Variants in TPRG1 observed in about 807,000 individuals in gnomAD.
TPRG1 encodes tumor protein p63 regulated 1.
A neutral mutation model predicts 29.3 loss-of-function variants in TPRG1; 29 were observed. The observed-to-expected ratio is 0.99, with a 90% CI of 0.74 to 1.35. TPRG1 has a LOEUF of 1.35. Ranked by LOEUF, TPRG1 falls within the 40% of genes most tolerant of loss-of-function variation. The pLI is 0.00. For missense variants in TPRG1, 327 were observed against 335.0 expected (o/e 0.98, Z 0.19); for synonymous variants, 130 against 116.8 (o/e 1.11, Z -0.73).
At chr3:189,098,942 T>C (rs531716891), upstream of TPRG1, among the ~76,000 whole-genome samples, 1 of 152,200 alleles carries the variant, frequency 6.6e-6, no homozygotes, top group Non-Finnish European at 1.5e-5. Flanking sequence ...ATCAGAATCT[T>C]TGGGAGCCAC....
intron 4 of TPRG1, chr3:189,240,297 A>G (rs969790268): frequency 4.0e-5 from 6 of 151,800 alleles, no homozygotes; most frequent in Non-Finnish European, 8.8e-5. Context: ...ATTTTCAGGA[A>G]CTCTCTCTTC....
intron 5 of TPRG1, among the ~76,000 whole-genome samples, chr3:189,319,186 A>G (rs921846323): frequency 1.3e-5 from 2 of 152,160 alleles, no homozygotes; most frequent in African/African-American, 4.8e-5. Flanking sequence ...TATGAATATC[A>G]TTCTTGACTT....
intron 4 of TPRG1, among the ~76,000 whole-genome samples, chr3:189,251,354 T>C (rs550961399): frequency 6.6e-6 from 1 of 152,280 alleles, no homozygotes; most frequent in South Asian, 2.1e-4. Flanking sequence ...TTGTGTGAAA[T>C]GAAGGCAGAT....
intron 5 of TPRG1, among the ~76,000 whole-genome samples, chr3:189,155,945 G>A (rs889618206): frequency 6.6e-6 from 1 of 152,150 alleles, no homozygotes; most frequent in African/African-American, 2.4e-5. Flanking sequence ...ATACTGTATT[G>A]TAAACTTGAA....
intron 1 of TPRG1, among the ~76,000 whole-genome samples, chr3:189,172,563 A>T (rs554499783): frequency 6.6e-6 from 1 of 152,282 alleles, no homozygotes; most frequent in East Asian, 1.9e-4. Flanking sequence ...GTCATACCTT[A>T]TCCCCAAAAG....
At chr3:189,233,283 G>C (rs1470086607) in intron 3 of TPRG1, among the ~76,000 whole-genome samples, 1 of 152,140 alleles carries the variant, frequency 6.6e-6, no homozygotes, top group East Asian at 1.9e-4. Context: ...AAAATAATTT[G>C]ACACAGCTTT....
chr3:189,223,023 A>G (rs1315864940), intron 3 of TPRG1, among the ~76,000 whole-genome samples: 1 of 152,148 alleles, frequency 6.6e-6, no homozygotes, highest in African/African-American at 2.4e-5. Flanking sequence ...ACATTATACG[A>G]TAAAGTGTAG....
At chr3:189,307,918 G>A (rs1037539874) in intron 4 of TPRG1, among the ~76,000 whole-genome samples, 3 of 152,224 alleles carry the variant, frequency 2.0e-5, no homozygotes, top group African/African-American at 4.8e-5. Flanking sequence ...TGATAGGATA[G>A]TACTTGCTGT....
rs1560688808 is a variant in TPRG1 at position 189,312,105 on chromosome 3, GTTTCTTTCTTTGTTTCTTTC to G, written c.633+1578_633+1597del. 3.5e-3 allele frequency among the ~76,000 whole-genome samples: 245 copies of G among 70,892 alleles called. 4 individuals are homozygous for G. The highest frequency in any genetic ancestry group is 0.014 in the African/African-American group (231 of 16,572). The allele number at this position is 70,892 out of a possible 152,430, so 46.5% of individuals were successfully genotyped here. On this transcript the variant is annotated intron_variant, in intron 5 of 5. Coordinates refer to ENST00000345063, the MANE Select transcript of TPRG1 (RefSeq NM_198485.4). The stretch of plus-strand genomic sequence containing the variant: ...TGTTTCTTTCTTTCTTTGTTTCTTT[GTTTCTTTCTTTGTTTCTTTC>G]TTTCTTTCTTTCTTTCTTTCTTTCT...
chr3:189,231,170 CT>C (rs1019133631), intron 3 of TPRG1, among the ~76,000 whole-genome samples: 7 of 151,814 alleles, frequency 4.6e-5, no homozygotes, highest in African/African-American at 7.3e-5. Context: ...CTTCCAGTAA[CT>C]TGCAGTATAA....
chr3:189,163,280 C>T (rs1478608288), intron 5 of TPRG1, among the ~76,000 whole-genome samples: 1 of 151,882 alleles, frequency 6.6e-6, no homozygotes, highest in Admixed American at 6.6e-5. Context: ...TCTCAAAAAA[C>T]GAAGCAAAAC....
chr3:189,043,441 T>A (rs1466423802), intron 4 of TPRG1, among the ~76,000 whole-genome samples: 1 of 152,184 alleles, frequency 6.6e-6, no homozygotes, highest in African/African-American at 2.4e-5. Flanking sequence ...TTCACACAAA[T>A]GACAAGGTTG....
At chr3:189,048,772 C>G (rs143748424) in intron 4 of TPRG1, among the ~76,000 whole-genome samples, 52 of 152,154 alleles carry the variant, frequency 3.4e-4, no homozygotes, top group Non-Finnish European at 1.0e-4. Flanking sequence ...CTGAAGGAAG[C>G]GAATGCTCCT....
At chr3:189,231,265 CATATATATAT>C (rs149177739) in intron 3 of TPRG1, among the ~76,000 whole-genome samples, 1 of 144,246 alleles carries the variant, frequency 6.9e-6, no homozygotes. Context: ...ACCTATAAAA[CATATATATAT>C]ATATATATAT....
intron 1 of TPRG1, among the ~76,000 whole-genome samples, chr3:189,182,068 C>A (rs990311964): frequency 6.6e-6 from 1 of 152,172 alleles, no homozygotes; most frequent in African/African-American, 2.4e-5. Flanking sequence ...AAGACTAACT[C>A]CCATGATTCA....
At chr3:189,320,477 A>G (rs1724192313) in intron 5 of TPRG1, 149 bp from the exon 6 acceptor site, 1 of 598,124 alleles carries the variant, frequency 1.7e-6, no homozygotes, top group Admixed American at 3.7e-5. Context: ...AACTTAATAG[A>G]GATAAATTTA....
intron 5 of TPRG1, among the ~76,000 whole-genome samples, chr3:189,154,207 C>T (rs1726343473): frequency 1.3e-5 from 2 of 152,106 alleles, no homozygotes; most frequent in Admixed American, 1.3e-4. Context: ...AAGAGCAAAA[C>T]CTGAGAGACA....
intron 1 of TPRG1, among the ~76,000 whole-genome samples, chr3:189,204,606 C>T (rs1734022910): frequency 6.6e-6 from 1 of 152,082 alleles, no homozygotes. Context: ...GCAGAGCTTC[C>T]CCAAGTGTTT....
intron 4 of TPRG1, among the ~76,000 whole-genome samples, chr3:189,257,400 G>C (rs1205958292): frequency 6.6e-6 from 1 of 152,296 alleles, no homozygotes; most frequent in East Asian, 1.9e-4. Context: ...GCTTCCCTTT[G>C]TGGGTAATCT....
Sources: allele counts gnomAD v4.1 joint callset (sites outside exome capture counted in the v4.1 genomes callset), GRCh38; gene constraint gnomAD v4.1.1; transcripts MANE v1.5; gene names NCBI Gene and HGNC (gene_info 2026-07-23, HGNC 2026-07-21).